Variants in FER observed in about 807,000 individuals in gnomAD.
FER encodes tyrosine-protein kinase Fer.
In FER, 63 loss-of-function variants were observed where a neutral mutation model predicts 111.0. The ratio of observed to expected loss-of-function variants is 0.57; its 90% CI spans 0.46 to 0.70. The LOEUF (loss-of-function observed/expected upper bound fraction) is 0.70, where lower values mean the gene tolerates loss of function less well. Among genes scored for constraint, FER ranks in the 30% least tolerant of loss-of-function variants. The probability of loss-of-function intolerance (pLI) is 0.00; values close to 1 mark genes in which losing one functional copy is unlikely to be tolerated. For synonymous variants in FER, 327 were observed against 313.9 expected (o/e 1.04, Z -0.44); for missense variants, 914 against 954.0 (o/e 0.96, Z 0.55).
chr5:108,916,409 G>A (rs1294901569), intron 10 of FER, among the ~76,000 whole-genome samples: 1 of 152,008 alleles, frequency 6.6e-6, no homozygotes, highest in Admixed American at 6.6e-5. Context: ...AAATGAAATG[G>A]GAAATTTAGA....
chr5:109,144,669 A>G (rs1180243488), intron 17 of FER, among the ~76,000 whole-genome samples: 1 of 152,102 alleles, frequency 6.6e-6, no homozygotes, highest in African/African-American at 2.4e-5. Flanking sequence ...GGGCCTTTTC[A>G]GGACCTAGCC....
At chr5:108,892,643 T>C in intron 9 of FER, among the ~76,000 whole-genome samples, 1 of 152,204 alleles carries the variant, frequency 6.6e-6, no homozygotes, top group Non-Finnish European at 1.5e-5. Flanking sequence ...TGGTAGTTTC[T>C]TTTGCTGTGC....
chr5:109,186,969 C>G (rs1389789710), intron 19 of FER, among the ~76,000 whole-genome samples: 1 of 152,216 alleles, frequency 6.6e-6, no homozygotes, highest in Non-Finnish European at 1.5e-5. Context: ...TGCTGAAACA[C>G]TGCCAACCAA....
At position 109,190,348 on chromosome 5, in the gene FER, A is replaced by G. The variant is rs897532164; in HGVS notation, c.*2773A>G. 70 of 151,236 alleles carry G rather than the reference A, an allele frequency of 4.6e-4. No homozygotes were observed. The highest frequency in any genetic ancestry group is 1.7e-3 in the African/African-American group (70 of 41,200). 9.4% of individuals were successfully genotyped at this position (151,236 alleles called of 1,614,324 possible). A position where few individuals can be genotyped will look rare whatever the true frequency, so the allele number is the denominator to read the frequency against. On this transcript the variant is annotated 3_prime_UTR_variant, in exon 20 of 20. Transcript: ENST00000281092. ...TCCAGTCACAAATCTTTGTGTTGTTAATGGATTATTCAAGATATATATATA... is the reference window on the plus strand; with the variant it reads ...TCCAGTCACAAATCTTTGTGTTGTTGATGGATTATTCAAGATATATATATA...
rs142064047 is a variant in FER at position 109,124,211 on chromosome 5, A to G, written c.2048+23692A>G. On this transcript the variant is annotated intron_variant, in intron 17 of 19. Transcript: ENST00000281092. Reference sequence around the variant, plus strand: ...CACTGCACCCCAGCCTGGGCAACAGAGCAAGACCCTGTCTCAAAAAAGACA... The same window carrying G: ...CACTGCACCCCAGCCTGGGCAACAGGGCAAGACCCTGTCTCAAAAAAGACA... 1.2e-3 allele frequency among the ~76,000 whole-genome samples: 177 copies of G among 152,350 alleles called. 2 individuals carry two copies. The highest frequency in any genetic ancestry group is 4.0e-3 in the African/African-American group (165 of 41,586).
At chr5:108,795,699 G>C (rs1466441319) in intron 2 of FER, among the ~76,000 whole-genome samples, 1 of 152,060 alleles carries the variant, frequency 6.6e-6, no homozygotes, top group African/African-American at 2.4e-5. Context: ...TCTAGAATTT[G>C]TGCTTCATTC....
rs1023700906 is a variant in FER, at chr5:108,833,035, C to T, written c.381+92C>T. On this transcript the variant is annotated intron_variant, in intron 4 of 19. Coordinates refer to ENST00000281092, the MANE Select transcript of FER (RefSeq NM_005246.4). ...TATTTGGCTTTAAAAATTGTTTATT[C>T]ATCATTTCCCAACAAGAAATAGGTT... 4.5e-6 allele frequency: 5 copies of T among 1,100,106 alleles called. No homozygotes were observed. In the Admixed American group the frequency reaches 1.0e-4, roughly 22 times the overall value. 68.1% of individuals were successfully genotyped at this position (1,100,106 alleles called of 1,614,324 possible). A position where few individuals can be genotyped will look rare whatever the true frequency, so the allele number is the denominator to read the frequency against.
chr5:109,008,039 C>T (rs1424056601), intron 13 of FER, among the ~76,000 whole-genome samples: 1 of 152,116 alleles, frequency 6.6e-6, no homozygotes, highest in Non-Finnish European at 1.5e-5. Context: ...AGATGTTGAG[C>T]ATCATTTCAT....
At chr5:109,073,070 G>A (rs960169013) in intron 16 of FER, among the ~76,000 whole-genome samples, 2 of 152,040 alleles carry the variant, frequency 1.3e-5, no homozygotes, top group African/African-American at 4.8e-5. Context: ...CACATAATGA[G>A]TAATTACATC....
chr5:109,002,785 G>A (rs9688204), intron 13 of FER, among the ~76,000 whole-genome samples: 39 of 151,744 alleles, frequency 2.6e-4, no homozygotes, highest in African/African-American at 7.7e-4. Context: ...AAAAACAACC[G>A]CATCAAAAAG....
chr5:109,110,891 A>G (rs564093502), intron 17 of FER, among the ~76,000 whole-genome samples: 7 of 152,296 alleles, frequency 4.6e-5, no homozygotes, highest in African/African-American at 1.4e-4. Flanking sequence ...GGACGCTACT[A>G]TATGCTGACT....
chr5:109,033,886 A>G (rs1769991960), intron 13 of FER, among the ~76,000 whole-genome samples: 1 of 152,182 alleles, frequency 6.6e-6, no homozygotes, highest in Non-Finnish European at 1.5e-5. Context: ...ATTTATGGGT[A>G]TGAGTACAAT....
At chr5:108,985,238 A>G (rs1414253799) in intron 13 of FER, among the ~76,000 whole-genome samples, 1 of 152,186 alleles carries the variant, frequency 6.6e-6, no homozygotes, top group Admixed American at 6.5e-5. Context: ...ATGTACAAAT[A>G]TAGCTCTGAA....
chr5:109,164,536 T>C (rs1373112197), intron 17 of FER, among the ~76,000 whole-genome samples: 2 of 152,220 alleles, frequency 1.3e-5, no homozygotes, highest in Non-Finnish European at 2.9e-5. Flanking sequence ...ATATCTGTAT[T>C]GAATTGTGTT....
chr5:108,977,278 A>T (rs1761477536), intron 13 of FER, among the ~76,000 whole-genome samples: 1 of 152,190 alleles, frequency 6.6e-6, no homozygotes, highest in Non-Finnish European at 1.5e-5. Context: ...ATTCTGATAA[A>T]TTTTAACTTT....
intron 3 of FER, among the ~76,000 whole-genome samples, chr5:108,812,129 C>G (rs1009598967): frequency 2.6e-5 from 4 of 152,176 alleles, no homozygotes; most frequent in African/African-American, 9.7e-5. Context: ...CTGAAATCTC[C>G]CACTATAACT....
chr5:109,149,917 C>T (rs752840093), intron 17 of FER, among the ~76,000 whole-genome samples: 2 of 152,096 alleles, frequency 1.3e-5, no homozygotes, highest in Non-Finnish European at 2.9e-5. Flanking sequence ...GGAGCATTAC[C>T]GCCTGAGCTC....
intron 1 of FER, among the ~76,000 whole-genome samples, chr5:108,763,917 C>T (rs1237712091): frequency 3.9e-5 from 6 of 152,220 alleles, no homozygotes; most frequent in Non-Finnish European, 5.9e-5. Flanking sequence ...AGGTACTTAT[C>T]ATCATCTTTC....
At chr5:108,983,876 C>T (rs3851457) in intron 13 of FER, among the ~76,000 whole-genome samples, 17,568 of 152,090 alleles carry the variant, frequency 0.12, 1,102 homozygotes, top group Middle Eastern at 0.16. Flanking sequence ...GCTAACACAC[C>T]GGTATACTTG....
Sources: allele counts gnomAD v4.1 joint callset (sites outside exome capture counted in the v4.1 genomes callset), GRCh38; gene constraint gnomAD v4.1.1; transcripts MANE v1.5; gene names NCBI Gene and HGNC (gene_info 2026-07-23, HGNC 2026-07-21).